NAV2: variants seen among roughly 807,000 people sequenced by gnomAD.
NAV2 encodes the protein helicase, APC down-regulated 1.
In NAV2, 54 loss-of-function variants were observed where a neutral mutation model predicts 223.2. The ratio of observed to expected loss-of-function variants is 0.24; its 90% confidence interval spans 0.19 to 0.30. The LOEUF (loss-of-function observed/expected upper bound fraction) is 0.30, where lower values mean the gene tolerates loss of function less well. NAV2 is among the 10% of genes least tolerant of loss of function. The pLI is 1.00. For synonymous variants in NAV2, 1,279 were observed against 1,239.3 expected, an observed-to-expected ratio of 1.03 and a Z score of -0.67; for missense variants, 2,806 against 3,147.5, an observed-to-expected ratio of 0.89 and a Z score of 2.60.
At chr11:19,987,405 A>G (rs2050892691) in intron 11 of NAV2, among the ~76,000 whole-genome samples, 2 of 152,224 alleles carry the variant, frequency 1.3e-5, no homozygotes, top group African/African-American at 2.4e-5. Context: ...CATGAGTTCT[A>G]CAAAGGAAAG....
At chr11:19,507,425 T>G (rs1564996771) in intron 1 of NAV2, among the ~76,000 whole-genome samples, 2 of 152,242 alleles carry the variant, frequency 1.3e-5, no homozygotes, top group Non-Finnish European at 2.9e-5. Flanking sequence ...CATCCTCATT[T>G]GTTGTAATTA....
chr11:19,932,214 T>G (rs2045415005), intron 6 of NAV2, among the ~76,000 whole-genome samples: 1 of 116,190 alleles, frequency 8.6e-6, no homozygotes, highest in African/African-American at 3.3e-5. Flanking sequence ...AGTGAACCCA[T>G]TGCATAGATT....
intron 6 of NAV2, among the ~76,000 whole-genome samples, chr11:19,910,675 G>A (rs1433771595): frequency 3.9e-5 from 6 of 152,078 alleles, no homozygotes; most frequent in African/African-American, 1.2e-4. Flanking sequence ...CCTGGGCTAC[G>A]TGGTGAAACT....
At chr11:19,579,812 A>G (rs1248900518) in intron 1 of NAV2, among the ~76,000 whole-genome samples, 2 of 152,154 alleles carry the variant, frequency 1.3e-5, no homozygotes, top group Non-Finnish European at 2.9e-5. Context: ...ATTGGCTTTG[A>G]GCATCTCTAG....
chr11:19,539,359 G>C (rs1037566419), intron 1 of NAV2, among the ~76,000 whole-genome samples: 3 of 152,172 alleles, frequency 2.0e-5, no homozygotes, highest in Non-Finnish European at 1.5e-5. Context: ...TCTCCCACTT[G>C]ATAAAAAGTA....
chr11:19,787,467 A>C lies in NAV2; in HGVS notation c.268-45017A>C, dbSNP rs77477146. Among the ~76,000 whole-genome samples the C allele has an allele frequency of 1.8e-3, 272 of 152,078 alleles. No individual in the cohort carries two copies. In the East Asian group the frequency reaches 0.03, roughly 17 times the overall value. On this transcript the variant is annotated intron_variant, in intron 1 of 37. Coordinates refer to ENST00000349880, the MANE Select transcript of NAV2 (RefSeq NM_145117.5). ...AGAAATCATCTAAAGGCTGTAGATT[A>C]AGCACTGTTGGAGATCAGAGGGAGG...
chr11:20,000,036 T>A (rs1346600926), intron 11 of NAV2, among the ~76,000 whole-genome samples: 1 of 152,222 alleles, frequency 6.6e-6, no homozygotes, highest in Non-Finnish European at 1.5e-5. Context: ...CTTCTCTTTG[T>A]GATCTGCTTT....
At chr11:19,420,648 A>T (rs912222876) in intron 1 of NAV2, among the ~76,000 whole-genome samples, 1 of 152,148 alleles carries the variant, frequency 6.6e-6, no homozygotes, top group African/African-American at 2.4e-5. Context: ...CAGACACAAG[A>T]CTCCATACGT....
intron 1 of NAV2, among the ~76,000 whole-genome samples, chr11:19,688,469 C>T (rs1480215659): frequency 1.3e-5 from 2 of 152,160 alleles, no homozygotes; most frequent in East Asian, 3.8e-4. Context: ...CTGCAGCAAG[C>T]ATCTTTCCGG....
At chr11:19,624,544 C>A (rs912080474) in intron 1 of NAV2, among the ~76,000 whole-genome samples, 5 of 152,182 alleles carry the variant, frequency 3.3e-5, no homozygotes, top group Non-Finnish European at 7.3e-5. Context: ...GGGCATGGGA[C>A]CCTCTGAGCC....
At chr11:19,581,523 C>G (rs568482794) in intron 1 of NAV2, among the ~76,000 whole-genome samples, 12 of 152,286 alleles carry the variant, frequency 7.9e-5, no homozygotes, top group African/African-American at 2.4e-4. Context: ...CCCTCTCCCC[C>G]ACCCCACAAC....
intron 1 of NAV2, among the ~76,000 whole-genome samples, chr11:19,527,811 C>A (rs1259871515): frequency 6.6e-6 from 1 of 152,106 alleles, no homozygotes; most frequent in East Asian, 1.9e-4. Context: ...CTGGGGTGGT[C>A]CCTTCTGACT....
At chr11:20,026,654 G>T (rs1009010450) in intron 11 of NAV2, among the ~76,000 whole-genome samples, 1 of 152,202 alleles carries the variant, frequency 6.6e-6, no homozygotes, top group Non-Finnish European at 1.5e-5. Context: ...CTTCTTTGGT[G>T]TGGGAAACTT....
intron 26 of NAV2, 147 bp from the exon 27 acceptor site, chr11:20,090,718 G>T: frequency 1.5e-6 from 1 of 688,060 alleles, no homozygotes. Context: ...CTGTTTTCAG[G>T]TGCTTTTGGC....
At chr11:20,113,259 A>G (rs2062788209) in intron 36 of NAV2, among the ~76,000 whole-genome samples, 1 of 152,192 alleles carries the variant, frequency 6.6e-6, no homozygotes, top group Admixed American at 6.5e-5. Flanking sequence ...TAAGCAAGGT[A>G]TTCGTAAAGC....
intron 4 of NAV2, among the ~76,000 whole-genome samples, chr11:19,878,363 A>C (rs2062987132): frequency 6.6e-6 from 1 of 152,184 alleles, no homozygotes; most frequent in Admixed American, 6.5e-5. Flanking sequence ...CACTGTTTAA[A>C]GTGTGCTTTT....
intron 3 of NAV2, among the ~76,000 whole-genome samples, chr11:19,861,101 T>TGGAGAG (rs111442576): frequency 0.57 from 80,475 of 142,122 alleles, 23,493 homozygotes; most frequent in African/African-American, 0.74. Context: ...AAACAGATAT[T>TGGAGAG]GGAGAGGGAG....
intron 1 of NAV2, among the ~76,000 whole-genome samples, chr11:19,438,632 C>T (rs1011183412): frequency 2.6e-5 from 4 of 152,126 alleles, no homozygotes; most frequent in African/African-American, 9.7e-5. Flanking sequence ...TAGGATTTTC[C>T]ACACCTCCTT....
intron 10 of NAV2, among the ~76,000 whole-genome samples, chr11:19,950,474 G>A (rs913933902): frequency 6.6e-5 from 10 of 152,198 alleles, no homozygotes; most frequent in Non-Finnish European, 1.0e-4. Context: ...TCTTGCCAAC[G>A]TTTTATTGCT....
Sources: allele counts gnomAD v4.1 joint callset (sites outside exome capture counted in the v4.1 genomes callset), GRCh38; gene constraint gnomAD v4.1.1; transcripts MANE v1.5; gene names NCBI Gene and HGNC (gene_info 2026-07-23, HGNC 2026-07-21).